ARNT2: variants seen among roughly 807,000 people sequenced by gnomAD.
ARNT2 encodes aryl hydrocarbon receptor nuclear translocator 2, also known as ARNT protein 2.
Under a neutral mutation model 91.7 loss-of-function variants are expected in ARNT2, and 36 were observed. That is an observed-to-expected ratio of 0.39 (90% CI 0.30 to 0.52). The LOEUF (loss-of-function observed/expected upper bound fraction) is 0.52, where lower values mean the gene tolerates loss of function less well. ARNT2 is among the 20% of genes least tolerant of loss of function. The probability of loss-of-function intolerance (pLI) is 0.72; values close to 1 mark genes in which losing one functional copy is unlikely to be tolerated. For synonymous variants in ARNT2, 365 were observed against 347.1 expected (o/e 1.05, Z -0.57); for missense variants, 775 against 939.3 (o/e 0.83, Z 2.29).
chr15:80,580,081 G>A (rs1186761322), intron 15 of ARNT2: 2 of 219,976 alleles, frequency 9.1e-6, no homozygotes, highest in African/African-American at 4.4e-5. Context: ...CTCTTTCTGG[G>A]AACCAAATCA....
At chr15:80,463,882 T>C (rs1896605930) in intron 3 of ARNT2, among the ~76,000 whole-genome samples, 1 of 152,176 alleles carries the variant, frequency 6.6e-6, no homozygotes, top group South Asian at 2.1e-4. Context: ...TGTGATTTCT[T>C]CATACAAGAT....
intron 1 of ARNT2, among the ~76,000 whole-genome samples, chr15:80,407,982 CAGAGTAATTAATAAGGCTCAT>C (rs377185568): frequency 0.023 from 3,555 of 152,244 alleles, 104 homozygotes; most frequent in Non-Finnish European, 0.029. Context: ...TGAGTATTTG[CAGAGTAATTAATAAGGCTCAT>C]ATGTTTTAAA....
rs770331313 is a variant in ARNT2 at position 80,514,006 on chromosome 15, G to A, written c.791+30G>A. ...GTATCTCTTCCGATGTATATTTTGG[G>A]ACTGTTCTGGTAGATAGTCTAAACA... On this transcript the variant is annotated intron_variant, in intron 7 of 18. Transcript: ENST00000303329. 4 of 1,587,354 alleles carry A rather than the reference G, an allele frequency of 2.5e-6. No homozygotes were observed. The Admixed American group carries it at 6.7e-5, about 26-fold the overall frequency.
chr15:80,534,544 A>G (rs1223881462), intron 8 of ARNT2, among the ~76,000 whole-genome samples: 2 of 152,112 alleles, frequency 1.3e-5, no homozygotes, highest in African/African-American at 4.8e-5. Context: ...TTTTGTATTT[A>G]AAAAATGGAG....
chr15:80,495,007 A>G, intron 5 of ARNT2, among the ~76,000 whole-genome samples: 1 of 152,184 alleles, frequency 6.6e-6, no homozygotes, highest in Non-Finnish European at 1.5e-5. Context: ...CTTGGCGGAA[A>G]GGCTCTTCTG....
chr15:80,521,446 G>A (rs1412439355), intron 8 of ARNT2, among the ~76,000 whole-genome samples: 2 of 151,912 alleles, frequency 1.3e-5, no homozygotes, highest in Non-Finnish European at 2.9e-5. Context: ...TAAAATAAAA[G>A]CAAATACCGA....
At chr15:80,476,102 T>C (rs1177447372) in intron 5 of ARNT2, among the ~76,000 whole-genome samples, 3 of 152,244 alleles carry the variant, frequency 2.0e-5, no homozygotes, top group Admixed American at 6.5e-5. Context: ...TGTATACATC[T>C]TACCACACAT....
chr15:80,521,918 G>A (rs1312333211), intron 8 of ARNT2, among the ~76,000 whole-genome samples: 7 of 152,018 alleles, frequency 4.6e-5, no homozygotes, highest in Non-Finnish European at 7.4e-5. Context: ...CACCTGTCAC[G>A]TACATTCCTT....
At chr15:80,441,376 A>G (rs1896185324) in intron 1 of ARNT2, 1 of 985,272 alleles carries the variant, frequency 1.0e-6, no homozygotes, top group Non-Finnish European at 1.2e-6. Context: ...TCCCTCTGAA[A>G]AGGTAGGGCT....
At chr15:80,430,797 C>A (rs866727661) in intron 1 of ARNT2, among the ~76,000 whole-genome samples, 32 of 152,234 alleles carry the variant, frequency 2.1e-4, no homozygotes, top group African/African-American at 7.7e-4. Context: ...CCACAATACA[C>A]AGAACCCTGA....
chr15:80,592,438 G>C (rs889441676), intron 18 of ARNT2, among the ~76,000 whole-genome samples: 1 of 152,214 alleles, frequency 6.6e-6, no homozygotes, highest in African/African-American at 2.4e-5. Flanking sequence ...CAGGAACCCA[G>C]GCACGTCCTG....
intron 1 of ARNT2, among the ~76,000 whole-genome samples, chr15:80,423,841 G>C (rs1895896317): frequency 1.3e-5 from 2 of 152,006 alleles, no homozygotes; most frequent in Non-Finnish European, 2.9e-5. Flanking sequence ...TCCAAAGACA[G>C]ACAGCCCAGT....
intron 5 of ARNT2, among the ~76,000 whole-genome samples, chr15:80,492,778 C>T (rs1897075422): frequency 6.6e-6 from 1 of 152,150 alleles, no homozygotes; most frequent in African/African-American, 2.4e-5. Flanking sequence ...TTAGCAGTAT[C>T]ACTATTTATT....
At chr15:80,477,532 T>C (rs1896825495) in intron 5 of ARNT2, among the ~76,000 whole-genome samples, 1 of 152,212 alleles carries the variant, frequency 6.6e-6, no homozygotes, top group African/African-American at 2.4e-5. Flanking sequence ...ATCAGGTTTG[T>C]TGTCCCCTAA....
intron 1 of ARNT2, among the ~76,000 whole-genome samples, chr15:80,406,505 C>T (rs193086845): frequency 4.6e-5 from 7 of 152,078 alleles, no homozygotes; most frequent in Admixed American, 2.0e-4. Context: ...GAATAAAATC[C>T]CTGGTGATTT....
chr15:80,559,333 C>A (rs36115642), intron 11 of ARNT2, among the ~76,000 whole-genome samples: 127,132 of 147,660 alleles, frequency 0.86, 53,758 homozygotes, highest in East Asian at 0.95. Flanking sequence ...CCAGACCCAG[C>A]CCCAGCCCCA....
At chr15:80,562,288 T>C (rs1282670379) in intron 11 of ARNT2, among the ~76,000 whole-genome samples, 1 of 152,056 alleles carries the variant, frequency 6.6e-6, no homozygotes, top group Non-Finnish European at 1.5e-5. Flanking sequence ...GGCTGGAGCA[T>C]ATTTTCAATA....
Position 80,450,960 on chromosome 15 carries a change from G to T in ARNT2, c.112G>T (p.Ala38Ser). The T allele has an allele frequency of 6.2e-7, 1 of 1,614,064 alleles. No individual in the cohort carries two copies. Among genetic ancestry groups the T allele is most frequent in the Non-Finnish European group, 8.5e-7 (1 of 1,180,014 alleles). Reference sequence around the variant, plus strand: ...CACCGGACAGGTGAGGATGGCGGGGGCCATGCCTGCCCGTGGAGGAAAGCG... The same window carrying T: ...CACCGGACAGGTGAGGATGGCGGGGTCCATGCCTGCCCGTGGAGGAAAGCG... ...AATGQVRMAG[A>S]MPARGGKRRS... Residue 38 changes from alanine to serine, a missense_variant, in exon 2 of 19, where the codon GCC becomes TCC. Ala to Ser is a moderately conservative substitution (Grantham distance 99). This residue lies in a region of ARNT2 where 79 missense variants were observed against 83.8 expected (regional missense o/e 0.94). Transcript: ENST00000303329.
intron 6 of ARNT2, among the ~76,000 whole-genome samples, chr15:80,512,228 G>T (rs1897353292): frequency 6.6e-6 from 1 of 152,210 alleles, no homozygotes; most frequent in African/African-American, 2.4e-5. Context: ...GCTGAGGGGA[G>T]ACCTGCTTCT....
Sources: gnomAD v4.1 joint callset for allele counts (sites outside exome capture counted in the v4.1 genomes callset) on GRCh38, gnomAD v4.1.1 for gene constraint, gnomAD v4.1.1 regional missense constraint, MANE v1.5 for transcripts, NCBI Gene and HGNC (gene_info 2026-07-23, HGNC 2026-07-21) for gene names.